The following PTPRS variants were observed in gnomAD, a reference collection of about 807,000 sequenced individuals.
The protein encoded by PTPRS is receptor-type tyrosine-protein phosphatase S.
In PTPRS, 63 loss-of-function variants were observed where a neutral mutation model predicts 215.3. The observed-to-expected ratio is 0.29, with a 90% CI of 0.24 to 0.36. The LOEUF (loss-of-function observed/expected upper bound fraction) is 0.36. Ranked by LOEUF, PTPRS falls within the 10% of genes least tolerant of loss-of-function variation. The pLI is 1.00. For synonymous variants in PTPRS, 1,404 were observed against 1,191.4 expected, an observed-to-expected ratio of 1.18 and a Z score of -3.68; for missense variants, 2,258 against 2,825.8, an observed-to-expected ratio of 0.80 and a Z score of 4.56.
At chr19:5,328,578 C>T (rs1006583024) in intron 1 of PTPRS, among the ~76,000 whole-genome samples, 1 of 152,182 alleles carries the variant, frequency 6.6e-6, no homozygotes, top group African/African-American at 2.4e-5. Context: ...TTCATCAGCT[C>T]AGAGAGGGTG....
chr19:5,316,853 C>T (rs1371870254), intron 1 of PTPRS, among the ~76,000 whole-genome samples: 1 of 152,156 alleles, frequency 6.6e-6, no homozygotes, highest in Admixed American at 6.5e-5. Context: ...TGGCACCCGG[C>T]TGTGATTTGG....
chr19:5,207,466 C>T (rs1219559857), intron 37 of PTPRS, among the ~76,000 whole-genome samples: 1 of 152,214 alleles, frequency 6.6e-6, no homozygotes, highest in Non-Finnish European at 1.5e-5. Context: ...CTCAGCCTCC[C>T]AAAGTGCTGG....
intron 4 of PTPRS, among the ~76,000 whole-genome samples, chr19:5,272,763 C>T (rs1026711562): frequency 2.6e-5 from 4 of 152,022 alleles, no homozygotes; most frequent in Admixed American, 2.0e-4. Context: ...GATGGGGTCT[C>T]GCTATGTTGC....
Position 5,210,242 on chromosome 19 carries a change from G to A in PTPRS, c.5487+227C>T, listed in dbSNP as rs79838375. Reference sequence around the variant, plus strand: ...ACTTCCTTGAATATCATCCCCTGGGGCCATGTTCCCTAGTGAGTGGAGACA... The same window carrying A: ...ACTTCCTTGAATATCATCCCCTGGGACCATGTTCCCTAGTGAGTGGAGACA... On this transcript the variant is annotated intron_variant, in intron 35 of 37. Coordinates refer to ENST00000262963, the MANE Select transcript of PTPRS (RefSeq NM_002850.4). The surrounding 1 kb of genome is among the most constrained non-coding windows in gnomAD (Gnocchi z 4.5). 2.2e-3 allele frequency among the ~76,000 whole-genome samples: 334 copies of A among 152,294 alleles called. 2 individuals are homozygous for A. The highest frequency in any genetic ancestry group is 3.9e-3 in the Non-Finnish European group (263 of 68,030).
At chr19:5,231,791 G>C (rs972670621) in intron 13 of PTPRS, among the ~76,000 whole-genome samples, 176 bp from the exon 14 acceptor site, 26 of 151,926 alleles carry the variant, frequency 1.7e-4, no homozygotes, top group Non-Finnish European at 2.9e-5. Flanking sequence ...ACCAAAGGTG[G>C]GATGGGCGGG....
chr19:5,316,387 T>C (rs113701566), intron 1 of PTPRS, among the ~76,000 whole-genome samples: 6 of 149,774 alleles, frequency 4.0e-5, no homozygotes, highest in African/African-American at 1.2e-4. Context: ...TTGGGTTTTT[T>C]TTTCTTTCTT....
rs1224185745 is a variant in PTPRS at position 5,223,217 on chromosome 19, C to T, written c.2575G>A (p.Ala859Thr). 22 of 1,502,190 alleles carry T rather than the reference C, an allele frequency of 1.5e-5. No homozygotes were observed. In the Middle Eastern group the frequency reaches 5.2e-4, roughly 36 times the overall value. The allele number at this position is 1,502,190 out of a possible 1,614,324, so 93.1% of individuals were successfully genotyped here. ...LARWEPPAGTAEDQVLGYRLQ... is the reference protein window; with the variant it reads ...LARWEPPAGTTEDQVLGYRLQ... ...CGGTAGCCCAGCACCTGGTCCTCCG[C>T]GGTGCCAGCCGGGGGCTCCCAGCGT... The change falls in exon 18 of 38, where the codon GCG becomes ACG. Residue 859 changes from alanine (A) to threonine (T), a missense_variant. This residue lies in a region of PTPRS where 361 missense variants were observed against 332.6 expected (regional missense o/e 1.09). Coordinates refer to ENST00000262963, the MANE Select transcript of PTPRS (RefSeq NM_002850.4).
At chr19:5,302,874 A>G (rs1459714510) in intron 1 of PTPRS, among the ~76,000 whole-genome samples, 5 of 147,840 alleles carry the variant, frequency 3.4e-5, no homozygotes, top group African/African-American at 1.0e-4. Flanking sequence ...TGGCTAACAC[A>G]GTGAAACCCC....
chr19:5,340,456 C>T (rs2050657718), intron 1 of PTPRS, among the ~76,000 whole-genome samples: 1 of 150,652 alleles, frequency 6.6e-6, no homozygotes, highest in Non-Finnish European at 1.5e-5. Context: ...CCCTGTCCCT[C>T]GGGGCATTGT....
rs1490613226 is a variant in PTPRS, at chr19:5,218,417, T to C, written c.4048+3A>G. 4 of 1,612,588 alleles carry C rather than the reference T, an allele frequency of 2.5e-6. No homozygotes were observed. In the African/African-American group the frequency reaches 4.0e-5, roughly 16 times the overall value. On this transcript the variant is annotated splice_donor_region_variant and intron_variant, in intron 25 of 37. Transcript: ENST00000262963. ...ATCCCTGGTACCAGGGATAAGTACA[T>C]ACCTGGAGTCTGGAAGTTAATGCGT...
chr19:5,255,593 G>GA (rs200212584), intron 9 of PTPRS, among the ~76,000 whole-genome samples: 2,030 of 136,828 alleles, frequency 0.015, 35 homozygotes, highest in African/African-American at 0.049. Context: ...AAAGAAAAAA[G>GA]AAAAAAAAAA....
intron 1 of PTPRS, among the ~76,000 whole-genome samples, chr19:5,308,207 G>A (rs973536941): frequency 3.3e-5 from 5 of 152,218 alleles, no homozygotes; most frequent in African/African-American, 4.8e-5. Flanking sequence ...GCCACGCCCG[G>A]AGGGCCTGGT....
At chr19:5,213,709 C>T (rs1226347175) in intron 30 of PTPRS, among the ~76,000 whole-genome samples, 1 of 152,138 alleles carries the variant, frequency 6.6e-6, no homozygotes, top group Admixed American at 6.5e-5. Context: ...TGTCCATGTA[C>T]TCAGTTTTCT....
Position 5,287,944 on chromosome 19 carries a change from C to G in PTPRS, c.-94-1710G>C, listed in dbSNP as rs1268769456. On this transcript the variant is annotated intron_variant, in intron 1 of 37. Transcript: ENST00000262963. This position sits in a 1 kb window ranked among gnomAD's most constrained non-coding sequence, Gnocchi z 4.8. ...AGACACAGAAACAAATGCATTCACA[C>G]AGTCAGGCAGCAGAGACGGGCACAC... Among the ~76,000 whole-genome samples the G allele has an allele frequency of 4.7e-5, 7 of 149,000 alleles. No homozygotes were observed. The East Asian group carries it at 9.8e-4, about 21-fold the overall frequency.
intron 6 of PTPRS, among the ~76,000 whole-genome samples, chr19:5,262,366 G>A (rs997908432): frequency 9.9e-5 from 15 of 152,110 alleles, no homozygotes; most frequent in Admixed American, 6.5e-5. Flanking sequence ...AAGGTGTTCC[G>A]CCTCCCACCC....
At chr19:5,207,041 G>A (rs539332652) in intron 37 of PTPRS, among the ~76,000 whole-genome samples, 199 bp from the exon 38 acceptor site, 3 of 152,280 alleles carry the variant, frequency 2.0e-5, no homozygotes, top group South Asian at 2.1e-4. Flanking sequence ...CTCTTCACCC[G>A]GAACGCCCTC....
intron 1 of PTPRS, among the ~76,000 whole-genome samples, chr19:5,324,154 G>C (rs998578514): frequency 6.9e-6 from 1 of 144,432 alleles, no homozygotes; most frequent in African/African-American, 2.6e-5. Flanking sequence ...GCTTGAACCT[G>C]AGACAGAGGC....
chr19:5,297,110 C>T (rs1211796752), intron 1 of PTPRS, among the ~76,000 whole-genome samples: 1 of 152,138 alleles, frequency 6.6e-6, no homozygotes, highest in Non-Finnish European at 1.5e-5. Flanking sequence ...CTACTCCGTG[C>T]CCTTGGGGGC....
rs528008839 is a variant in PTPRS at position 5,272,353 on chromosome 19, T to C, written c.379+1089A>G. Among the ~76,000 whole-genome samples the C allele has an allele frequency of 4.6e-5, 7 of 151,928 alleles. No homozygotes were observed. The East Asian group carries it at 1.4e-3, about 30-fold the overall frequency. On this transcript the variant is annotated intron_variant, in intron 4 of 37. Transcript: ENST00000262963. The stretch of plus-strand genomic sequence containing the variant: ...TGGCTTATGCCTGTAATCCCAGCAC[T>C]TTGGGAGGCTGAGGCAGGCGGATCA...
Sources: allele counts gnomAD v4.1 joint callset (sites outside exome capture counted in the v4.1 genomes callset), GRCh38; gene constraint gnomAD v4.1.1; regional missense constraint gnomAD v4.1.1; non-coding constraint Gnocchi (gnomAD v3.1); transcripts MANE v1.5; gene names NCBI Gene and HGNC (gene_info 2026-07-23, HGNC 2026-07-21).